RHBDD1: variants seen among roughly 807,000 people sequenced by gnomAD.
The protein encoded by RHBDD1 is rhomboid-related protein 4.
A neutral mutation model predicts 36.3 loss-of-function variants in RHBDD1; 38 were observed. That is an observed-to-expected ratio of 1.05 (90% CI 0.81 to 1.37). The LOEUF is 1.37. Among genes scored for constraint, RHBDD1 ranks in the 40% most tolerant of loss-of-function variants. The pLI, the probability that RHBDD1 is intolerant of heterozygous loss-of-function variation, is 0.00. For synonymous variants in RHBDD1, 151 were observed against 136.5 expected, an observed-to-expected ratio of 1.11 and a Z score of -0.74; for missense variants, 393 against 377.6, an observed-to-expected ratio of 1.04 and a Z score of -0.34.
At chr2:226,860,415 CA>C (rs1943741442) in intron 3 of RHBDD1, among the ~76,000 whole-genome samples, 2 of 152,176 alleles carry the variant, frequency 1.3e-5, no homozygotes, top group Non-Finnish European at 2.9e-5. Context: ...TGTGGTCTTT[CA>C]GATAGCACAG....
intron 5 of RHBDD1, among the ~76,000 whole-genome samples, chr2:226,879,832 A>T (rs1229626757): frequency 3.3e-5 from 5 of 152,202 alleles, no homozygotes; most frequent in Non-Finnish European, 7.3e-5. Context: ...AAATAACCTG[A>T]TGGATAAGGA....
chr2:226,836,220 T>G (rs1940938639), intron 1 of RHBDD1, 133 bp downstream of exon 1: 1 of 152,722 alleles, frequency 6.5e-6, no homozygotes, highest in Non-Finnish European at 1.5e-5. Context: ...CCCGGGGGGC[T>G]AGGGCGAGGG....
In RHBDD1 at chr2:226,910,916, A is replaced by G. The variant is rs535732598; in HGVS notation, c.712+2038A>G. On this transcript the variant is annotated intron_variant, in intron 7 of 8. Coordinates refer to ENST00000392062, the MANE Select transcript of RHBDD1 (RefSeq NM_001167608.3). The stretch of plus-strand genomic sequence containing the variant: ...GATTGACGATATAGAACGTTTAGCC[A>G]CACTGGTCTTTCTGATTTAAGGCAC... 2.6e-5 allele frequency among the ~76,000 whole-genome samples: 4 copies of G among 152,236 alleles called. No homozygotes were observed. The East Asian group carries it at 7.7e-4, about 29-fold the overall frequency.
chr2:226,881,108 G>A (rs989454076), intron 5 of RHBDD1, among the ~76,000 whole-genome samples: 3 of 152,134 alleles, frequency 2.0e-5, no homozygotes, highest in Non-Finnish European at 4.4e-5. Context: ...AAGGAGAAGT[G>A]CCAAGAGAAG....
chr2:226,864,487 A>T (rs766656660), intron 3 of RHBDD1, 117 bp from the exon 4 acceptor site: 17 of 559,906 alleles, frequency 3.0e-5, no homozygotes, highest in Non-Finnish European at 4.7e-5. Flanking sequence ...GAACATAAAT[A>T]TTTCTGTTAG....
chr2:226,892,876 A>G (rs116532655), intron 5 of RHBDD1, among the ~76,000 whole-genome samples: 1,707 of 152,286 alleles, frequency 0.011, 29 homozygotes, highest in South Asian at 0.043. Context: ...ACCTTACCCC[A>G]GAGCAACGTT....
intron 1 of RHBDD1, among the ~76,000 whole-genome samples, chr2:226,836,650 C>T (rs1419600008): frequency 6.6e-6 from 1 of 152,178 alleles, no homozygotes; most frequent in Non-Finnish European, 1.5e-5. Flanking sequence ...CTAAACTGAG[C>T]ATAAACTCTT....
intron 5 of RHBDD1, among the ~76,000 whole-genome samples, chr2:226,902,642 G>A (rs1237276674): frequency 6.6e-6 from 1 of 152,132 alleles, no homozygotes; most frequent in East Asian, 1.9e-4. Flanking sequence ...TCTCAGTTTT[G>A]ATTGAATAAG....
At chr2:226,895,528 A>C in intron 5 of RHBDD1, 1 of 249,312 alleles carries the variant, frequency 4.0e-6, no homozygotes, top group Non-Finnish European at 6.4e-6. Flanking sequence ...AAAGAACACT[A>C]ACCTCACAGA....
intron 8 of RHBDD1, among the ~76,000 whole-genome samples, chr2:226,981,189 G>A (rs1021385147): frequency 2.6e-5 from 4 of 152,136 alleles, no homozygotes; most frequent in Non-Finnish European, 5.9e-5. Flanking sequence ...GACACAGGGT[G>A]GGGAACATCA....
the RHBDD1 span, among the ~76,000 whole-genome samples, chr2:226,827,844 T>G: frequency 6.6e-6 from 1 of 152,212 alleles, no homozygotes; most frequent in East Asian, 1.9e-4. Context: ...TTCTTGAGCA[T>G]AGCATGTGGA....
intron 6 of RHBDD1, chr2:226,908,564 T>TA (rs1948239444): frequency 9.5e-6 from 4 of 420,502 alleles, no homozygotes; most frequent in Non-Finnish European, 1.7e-5. Flanking sequence ...GAGTGTAAAT[T>TA]AGGGTTTCAT....
At chr2:226,962,760 T>C (rs1952307494) in intron 8 of RHBDD1, among the ~76,000 whole-genome samples, 1 of 152,232 alleles carries the variant, frequency 6.6e-6, no homozygotes, top group African/African-American at 2.4e-5. Context: ...CATGTAAAGC[T>C]TGTACGTTTC....
At chr2:226,950,112 T>A (rs965671427) in intron 8 of RHBDD1, among the ~76,000 whole-genome samples, 2 of 152,202 alleles carry the variant, frequency 1.3e-5, no homozygotes, top group African/African-American at 4.8e-5. Flanking sequence ...CAATACATTG[T>A]TATCAACTGT....
intron 8 of RHBDD1, among the ~76,000 whole-genome samples, chr2:226,920,579 G>A (rs1448335041): frequency 6.6e-6 from 1 of 151,966 alleles, no homozygotes; most frequent in African/African-American, 2.4e-5. Flanking sequence ...TCATTTTTTA[G>A]GGTTTTTTGT....
chr2:226,861,942 G>T (rs548871856), intron 3 of RHBDD1, among the ~76,000 whole-genome samples: 1 of 152,128 alleles, frequency 6.6e-6, no homozygotes. Context: ...ATAGAAACGG[G>T]TTGTGCTAAT....
chr2:226,842,945 C>G (rs1270692954), intron 3 of RHBDD1, among the ~76,000 whole-genome samples: 1 of 152,134 alleles, frequency 6.6e-6, no homozygotes, highest in Admixed American at 6.5e-5. Flanking sequence ...TCTCTAATTT[C>G]TTTGAACAGT....
chr2:226,960,119 G>A (rs10197773), intron 8 of RHBDD1, among the ~76,000 whole-genome samples: 63,509 of 151,948 alleles, frequency 0.42, 13,332 homozygotes, highest in South Asian at 0.51. Context: ...CACCGTGCCC[G>A]GCCACATTTA....
chr2:226,842,477 G>A (rs1256862030), intron 3 of RHBDD1, among the ~76,000 whole-genome samples: 5 of 152,128 alleles, frequency 3.3e-5, no homozygotes, highest in South Asian at 2.1e-4. Flanking sequence ...TGTAATATAA[G>A]GGGTCTAGTT....
Sources: gnomAD v4.1 joint callset for allele counts (sites outside exome capture counted in the v4.1 genomes callset) on GRCh38, gnomAD v4.1.1 for gene constraint, MANE v1.5 for transcripts, NCBI Gene and HGNC (gene_info 2026-07-23, HGNC 2026-07-21) for gene names.